The following HECTD4 variants were observed in gnomAD, a reference collection of about 807,000 sequenced individuals.
The protein encoded by HECTD4 is probable E3 ubiquitin-protein ligase HECTD4.
HECTD4 carries 114 observed loss-of-function variants against 471.5 expected under a neutral mutation model. The ratio of observed to expected loss-of-function variants is 0.24; its 90% CI spans 0.21 to 0.28. The LOEUF (loss-of-function observed/expected upper bound fraction) is 0.28, where lower values mean the gene tolerates loss of function less well. Ranked by LOEUF, HECTD4 falls within the 10% of genes least tolerant of loss-of-function variation. The pLI, the probability that HECTD4 is intolerant of heterozygous loss-of-function variation, is 1.00. For synonymous variants in HECTD4, 2,012 were observed against 2,256.0 expected (o/e 0.89, Z 3.07); for missense variants, 3,866 against 5,651.5 (o/e 0.68, Z 10.13).
chr12:112,308,768 G>T lies in HECTD4; in HGVS notation c.1149C>A (p.Asp383Glu). Residue 383 changes from aspartate to glutamate, a missense_variant, in exon 6 of 76, where the codon GAC becomes GAA. This residue lies in a region of HECTD4 where 440 missense variants were observed against 636.0 expected (regional missense o/e 0.69). Transcript: ENST00000682272. ...NKPHSLFQVI[D>E]QNTLQVCQVV... ...TTCTGTTTACCTGAAGGGTGTTCTG[G>T]TCAATGACCTGGAAAAGGGAGTGAG... 1 of 1,535,790 alleles carries T rather than the reference G, an allele frequency of 6.5e-7. No homozygotes were observed. The highest frequency in any genetic ancestry group is 8.7e-7 in the Non-Finnish European group (1 of 1,146,794).
chr12:112,163,694 G>A lies in HECTD4; in HGVS notation c.12745C>T (p.Arg4249Trp), dbSNP rs1317901480. 1.3e-6 allele frequency: 2 copies of A among 1,515,264 alleles called. No individual in the cohort carries two copies. Among genetic ancestry groups the A allele is most frequent in the Non-Finnish European group, 1.8e-6 (2 of 1,130,966 alleles). The allele number at this position is 1,515,264 out of a possible 1,614,324, so 93.9% of individuals were successfully genotyped here. The stretch of plus-strand genomic sequence containing the variant: ...TCCACATTCTGCAGCTCCCGCAGCC[G>A]CAGGCTCCGGATGGCTGCCGCGTAG... ...DIYAAAIRSLRLRELQNVECV... is the reference protein window; with the variant it reads ...DIYAAAIRSLWLRELQNVECV... Residue 4249 changes from arginine (R) to tryptophan (W), a missense_variant, in exon 74 of 76, where the codon CGG becomes TGG. Physicochemically the swap from Arg to Trp is moderately radical, Grantham distance 101 (BLOSUM62 -3). Coordinates refer to ENST00000682272, the MANE Select transcript of HECTD4 (RefSeq NM_001388303.1). The surrounding 1 kb of genome is among the most constrained non-coding windows in gnomAD (Gnocchi z 8.2).
chr12:112,273,789 C>G lies in HECTD4; in HGVS notation c.1808G>C (p.Cys603Ser), dbSNP rs1477442121. 6.2e-7 allele frequency: 1 copy of G among 1,613,712 alleles called. No individual in the cohort carries two copies. The highest frequency in any genetic ancestry group is 1.1e-5 in the South Asian group (1 of 91,026). The change falls in exon 11 of 76, where the codon TGT (cysteine) becomes TCT (serine). Residue 603 changes from cysteine to serine, a missense_variant. By Grantham distance (112) the Cys-to-Ser change is moderately radical. This residue lies in a region of HECTD4 where 525 missense variants were observed against 672.6 expected (regional missense o/e 0.78). Transcript: ENST00000682272. The stretch of plus-strand genomic sequence containing the variant: ...TAGCATGTTGTTCACTGTGTCATAA[C>G]ACGCTCCTGCAAAAAGAGCATACTG... ...RGALVPGLGA[C>S]YDTVNNMLWT...
chr12:112,362,536 G>C (rs1400754862), intron 1 of HECTD4, among the ~76,000 whole-genome samples: 3 of 152,120 alleles, frequency 2.0e-5, no homozygotes, highest in African/African-American at 4.8e-5. Flanking sequence ...CCAGGTCAGA[G>C]AGGAATCTGC....
At chr12:112,227,487 AAG>A (rs1388629678) in intron 43 of HECTD4, among the ~76,000 whole-genome samples, 1 of 152,140 alleles carries the variant, frequency 6.6e-6, no homozygotes, top group Admixed American at 6.5e-5. Flanking sequence ...CATTGTCAAA[AAG>A]AGACACCTGT....
intron 68 of HECTD4, 94 bp downstream of exon 68, chr12:112,171,023 G>GGCTGCCCAAGGAC (rs911295725): frequency 1.8e-6 from 2 of 1,089,354 alleles, no homozygotes; most frequent in African/African-American, 1.6e-5. Flanking sequence ...TTCCTGGCGG[G>GGCTGCCCAAGGAC]GCTGCCCAAG....
rs1196917723 is a variant in HECTD4, at chr12:112,231,729, G to A, written c.5998-14C>T. The A allele has an allele frequency of 6.2e-7, 1 of 1,601,932 alleles. No individual in the cohort carries two copies. On this transcript the variant is annotated splice_polypyrimidine_tract_variant and intron_variant, in intron 38 of 75. Coordinates refer to ENST00000682272, the MANE Select transcript of HECTD4 (RefSeq NM_001388303.1). ...GCAACAGCCACCCTGGGGTGAGGTT[G>A]AAGACGCTGAGAAGATTCATTTCAG... is the stretch of plus-strand genomic sequence containing the variant.
chr12:112,322,304 A>ACC (rs2035599735), intron 1 of HECTD4: 1 of 152,186 alleles, frequency 6.6e-6, no homozygotes, highest in African/African-American at 2.4e-5. Flanking sequence ...CCAGGAGTTC[A>ACC]AGGCTGCAGT....
At chr12:112,269,442 C>A (rs2034366866) in intron 13 of HECTD4, among the ~76,000 whole-genome samples, 1 of 152,110 alleles carries the variant, frequency 6.6e-6, no homozygotes, top group African/African-American at 2.4e-5. Flanking sequence ...TCAAAATATC[C>A]ACTTAAAGGG....
intron 8 of HECTD4, among the ~76,000 whole-genome samples, chr12:112,279,985 T>C (rs996686066): frequency 2.6e-5 from 4 of 152,200 alleles, no homozygotes; most frequent in Non-Finnish European, 4.4e-5. Context: ...ACTCAAAAAG[T>C]TTCAGATTTG....
At chr12:112,201,100 T>C in intron 54 of HECTD4, 2 of 470,990 alleles carry the variant, frequency 4.2e-6, no homozygotes, top group Middle Eastern at 4.4e-4. Flanking sequence ...GAGATCTTAT[T>C]TTATTTTTTT....
chr12:112,174,912 T>C (rs1243425056), intron 66 of HECTD4, among the ~76,000 whole-genome samples: 1 of 152,124 alleles, frequency 6.6e-6, no homozygotes, highest in Non-Finnish European at 1.5e-5. Flanking sequence ...TAGGGGCGTG[T>C]GTGTGTGTAT....
Position 112,298,480 on chromosome 12 carries a change from AT to A in HECTD4, c.1335+7583del, listed in dbSNP as rs199649818. ...TTTTAATTTTTAAAAAATTATATTA[AT>A]TTTTTTTTTTTTTTTTTGGTAGAGA... On this transcript the variant is annotated intron_variant, in intron 7 of 75. Transcript: ENST00000682272. 9.2e-3 allele frequency among the ~76,000 whole-genome samples: 1,223 copies of A among 132,756 alleles called. 10 individuals carry two copies. Among genetic ancestry groups the A allele is most frequent in the African/African-American group, 0.027 (936 of 35,300 alleles). The allele number at this position is 132,756 out of a possible 152,430, so 87.1% of individuals were successfully genotyped here.
In HECTD4 at chr12:112,175,847, T is replaced by C. The variant is rs1273953739; in HGVS notation, c.11483A>G (p.Lys3828Arg). 6.2e-7 allele frequency: 1 copy of C among 1,613,478 alleles called. No individual in the cohort carries two copies. The highest frequency in any genetic ancestry group is 8.5e-7 in the Non-Finnish European group (1 of 1,179,772). Residue 3828 changes from lysine (K) to arginine (R), a missense_variant, in exon 66 of 76, where the codon AAA becomes AGA. Lys to Arg is a conservative substitution (Grantham distance 26, BLOSUM62 2). Around this residue, in one of 16 missense-constraint regions of HECTD4, gnomAD observed 715 missense variants for 1,087.6 expected, o/e 0.66. Coordinates refer to ENST00000682272, the MANE Select transcript of HECTD4 (RefSeq NM_001388303.1). ...GTGAAATCCTTCCAGCGTCAGGTAT[T>C]TTTCCTCAGGGACTGGTGGAAAGGG... ...PTKKQEVPEE[K>R]YLTLEGFHKF...
intron 8 of HECTD4, 83 bp downstream of exon 8, chr12:112,283,027 A>T: frequency 9.0e-7 from 1 of 1,115,144 alleles, no homozygotes; most frequent in Non-Finnish European, 1.3e-6. Flanking sequence ...AGGGCTTTGT[A>T]CAGCACGGAC....
At chr12:112,340,208 C>T (rs770224817) in intron 1 of HECTD4, among the ~76,000 whole-genome samples, 2 of 152,094 alleles carry the variant, frequency 1.3e-5, no homozygotes, top group African/African-American at 4.8e-5. Context: ...TACTGGAAAG[C>T]AGACTAAGAT....
At chr12:112,270,548 C>G in intron 11 of HECTD4, 89 bp from the exon 12 acceptor site, 2 of 1,047,818 alleles carry the variant, frequency 1.9e-6, no homozygotes, top group South Asian at 1.4e-5. Flanking sequence ...AAGGTGTGTG[C>G]GCACTAGAAA....
chr12:112,259,097 C>A lies in HECTD4; in HGVS notation c.3027+15G>T, dbSNP rs746587403. 1 of 1,592,160 alleles carries A rather than the reference C, an allele frequency of 6.3e-7. No individual in the cohort carries two copies. The highest frequency in any genetic ancestry group is 8.5e-7 in the Non-Finnish European group (1 of 1,173,956). On this transcript the variant is annotated intron_variant, in intron 19 of 75. Transcript: ENST00000682272. ...GGCCAAAAAGCAGTTCACTTTGGCA[C>A]ACCAAGGATCATACCTGGCTGGTAT...
intron 1 of HECTD4, among the ~76,000 whole-genome samples, chr12:112,357,063 G>A (rs2036354326): frequency 1.3e-5 from 2 of 152,116 alleles, no homozygotes; most frequent in South Asian, 2.1e-4. Flanking sequence ...CAAGTTCACA[G>A]TAATGACCAA....
chr12:112,175,898 C>T (rs1451048498), intron 65 of HECTD4, 39 bp from the exon 66 acceptor site: 2 of 1,609,334 alleles, frequency 1.2e-6, no homozygotes, highest in South Asian at 2.2e-5. Flanking sequence ...CTGGTGAGAC[C>T]TGCGCACATC....
Sources: allele counts gnomAD v4.1 joint callset (sites outside exome capture counted in the v4.1 genomes callset), GRCh38; gene constraint gnomAD v4.1.1; regional missense constraint gnomAD v4.1.1; non-coding constraint Gnocchi (gnomAD v3.1); transcripts MANE v1.5; gene names NCBI Gene and HGNC (gene_info 2026-07-23, HGNC 2026-07-21).